FRMPD2: variants seen among roughly 807,000 people sequenced by gnomAD.
FRMPD2 encodes the protein FERM and PDZ domain containing 2.
Under a neutral mutation model 140.1 loss-of-function variants are expected in FRMPD2, and 96 were observed. The ratio of observed to expected loss-of-function variants is 0.69; its 90% CI spans 0.58 to 0.81. The LOEUF (loss-of-function observed/expected upper bound fraction) is 0.81, where lower values mean the gene tolerates loss of function less well. Among genes scored for constraint, FRMPD2 ranks in the 40% least tolerant of loss-of-function variants. The probability of loss-of-function intolerance (pLI) is 0.00; values close to 1 mark genes in which losing one functional copy is unlikely to be tolerated. For synonymous variants in FRMPD2, 449 were observed against 547.6 expected, an observed-to-expected ratio of 0.82 and a Z score of 2.52; for missense variants, 1,240 against 1,447.4, an observed-to-expected ratio of 0.86 and a Z score of 2.32.
At chr10:48,187,415 G>A (rs571373836) in intron 16 of FRMPD2, 123 bp from the exon 17 acceptor site, 4 of 727,286 alleles carry the variant, frequency 5.5e-6, no homozygotes, top group East Asian at 5.5e-5. Context: ...GCCCGGGGAG[G>A]GCAGCCTTGT....
intron 1 of FRMPD2, among the ~76,000 whole-genome samples, chr10:48,271,414 C>A (rs1421801732): frequency 6.6e-6 from 1 of 152,206 alleles, no homozygotes; most frequent in Non-Finnish European, 1.5e-5. Flanking sequence ...TACTCTCCAG[C>A]CAGACACTGT....
At chr10:48,263,951 C>A (rs1044429285) in intron 1 of FRMPD2, among the ~76,000 whole-genome samples, 8 of 151,960 alleles carry the variant, frequency 5.3e-5, no homozygotes, top group African/African-American at 1.9e-4. Context: ...ACACCATGAC[C>A]AAGTGAAATT....
chr10:48,239,428 A>T (rs1409618146), intron 7 of FRMPD2, among the ~76,000 whole-genome samples, 177 bp downstream of exon 7: 1 of 152,216 alleles, frequency 6.6e-6, no homozygotes, highest in Non-Finnish European at 1.5e-5. Flanking sequence ...GCCCCTCATT[A>T]TCTTGGCTTC....
Position 48,184,901 on chromosome 10 carries a change from T to C in FRMPD2, c.2360-20A>G, listed in dbSNP as rs765509541. The C allele has an allele frequency of 2.0e-5, 31 of 1,562,896 alleles. No homozygotes were observed. The South Asian group carries it at 3.5e-4, about 18-fold the overall frequency. On this transcript the variant is annotated intron_variant, in intron 18 of 28. Transcript: ENST00000374201. ...CAAACCCTGTAATCCAAGATGATAGTCCATGATAAGATGATACTTAGTGAT... is the reference window on the plus strand; with the variant it reads ...CAAACCCTGTAATCCAAGATGATAGCCCATGATAAGATGATACTTAGTGAT...
intron 1 of FRMPD2, 111 bp from the exon 2 acceptor site, chr10:48,251,802 C>T (rs954160559): frequency 5.4e-6 from 7 of 1,292,252 alleles, no homozygotes; most frequent in East Asian, 2.4e-5. Flanking sequence ...TACTGCACAC[C>T]GGCACTGTGT....
chr10:48,240,588 G>T, intron 5 of FRMPD2, 96 bp from the exon 6 acceptor site: 1 of 1,525,986 alleles, frequency 6.6e-7, no homozygotes, highest in Non-Finnish European at 8.9e-7. Context: ...AATCAATGTG[G>T]AATTGTCTGC....
intron 3 of FRMPD2, among the ~76,000 whole-genome samples, chr10:48,246,625 G>A (rs180897580): frequency 6.6e-6 from 1 of 152,178 alleles, no homozygotes; most frequent in Non-Finnish European, 1.5e-5. Context: ...AAGTAGTTGG[G>A]GAAATATGTC....
At chr10:48,226,974 C>A (rs1839736402) in intron 10 of FRMPD2, among the ~76,000 whole-genome samples, 1 of 152,302 alleles carries the variant, frequency 6.6e-6, no homozygotes, top group Non-Finnish European at 1.5e-5. Context: ...AGAGGCTGGA[C>A]ACCCCACTCA....
At position 48,222,518 on chromosome 10, in the gene FRMPD2, G is replaced by A. The variant is rs1839626080; in HGVS notation, c.1317-67C>T. On this transcript the variant is annotated intron_variant, in intron 11 of 28. Transcript: ENST00000374201. ...GAAAGGGAGAATGTTAGCACCAGTGGGTTTTCTCAGTGTGGGAAGTTGGAA... is the reference window on the plus strand; with the variant it reads ...GAAAGGGAGAATGTTAGCACCAGTGAGTTTTCTCAGTGTGGGAAGTTGGAA... 1.0e-5 allele frequency: 16 copies of A among 1,551,284 alleles called. No homozygotes were observed. In the South Asian group the frequency reaches 1.7e-4, roughly 16 times the overall value.
At chr10:48,215,576 A>G (rs1188200350) in intron 12 of FRMPD2, among the ~76,000 whole-genome samples, 1 of 152,226 alleles carries the variant, frequency 6.6e-6, no homozygotes, top group Non-Finnish European at 1.5e-5. Flanking sequence ...GGTTGTATAA[A>G]TGAATGGGTT....
intron 15 of FRMPD2, among the ~76,000 whole-genome samples, chr10:48,197,461 C>T (rs117925809): frequency 6.6e-6 from 1 of 152,338 alleles, no homozygotes; most frequent in Non-Finnish European, 1.5e-5. Flanking sequence ...GAAAGTGGCA[C>T]TCCCCTGAGT....
At chr10:48,270,032 C>T (rs897237189) in intron 1 of FRMPD2, among the ~76,000 whole-genome samples, 4 of 152,054 alleles carry the variant, frequency 2.6e-5, no homozygotes, top group Admixed American at 2.0e-4. Context: ...AAGGTCAAAC[C>T]GAAAGTGACT....
chr10:48,173,502 C>T (rs1838321418), intron 24 of FRMPD2, among the ~76,000 whole-genome samples: 1 of 150,910 alleles, frequency 6.6e-6, no homozygotes, highest in Non-Finnish European at 1.5e-5. Flanking sequence ...CTCCTCAGTG[C>T]CCCCTCCCCT....
intron 9 of FRMPD2, among the ~76,000 whole-genome samples, 188 bp from the exon 10 acceptor site, chr10:48,232,477 C>T (rs891332237): frequency 6.6e-6 from 1 of 152,280 alleles, no homozygotes; most frequent in South Asian, 2.1e-4. Flanking sequence ...AGAGTCTTGC[C>T]TAGGGTTTGC....
intron 14 of FRMPD2, among the ~76,000 whole-genome samples, chr10:48,203,997 A>T (rs1839147721): frequency 2.0e-5 from 3 of 152,100 alleles, no homozygotes; most frequent in African/African-American, 7.2e-5. Context: ...GCTTTTCTAG[A>T]ATAGTTACTT....
chr10:48,184,773 C>T lies in FRMPD2; in HGVS notation c.2467+1G>A, dbSNP rs774690249. Reference sequence around the variant, plus strand: ...ATCTCTAGTAATTTAAAAAGATGTACCTGGTTTGATCGTTTTTGCTTTTTC... The same window carrying T: ...ATCTCTAGTAATTTAAAAAGATGTATCTGGTTTGATCGTTTTTGCTTTTTC... On this transcript the variant is annotated splice_donor_variant, in intron 19 of 28. Transcript: ENST00000374201. LOFTEE classifies it high-confidence loss of function. 5 of 1,610,114 alleles carry T rather than the reference C, an allele frequency of 3.1e-6. No individual in the cohort carries two copies. In the South Asian group the frequency reaches 5.5e-5, roughly 18 times the overall value.
At chr10:48,235,939 C>T (rs906549040) in intron 9 of FRMPD2, among the ~76,000 whole-genome samples, 6 of 152,190 alleles carry the variant, frequency 3.9e-5, no homozygotes, top group Non-Finnish European at 8.8e-5. Context: ...TCCTTGTCTT[C>T]ACCCAGTCTT....
chr10:48,207,722 C>G (rs766976262), intron 13 of FRMPD2, among the ~76,000 whole-genome samples: 5 of 152,206 alleles, frequency 3.3e-5, no homozygotes, highest in Non-Finnish European at 5.9e-5. Context: ...CTGGGACCCA[C>G]AGCAAGGACC....
At chr10:48,182,433 C>A (rs142975665) in intron 20 of FRMPD2, among the ~76,000 whole-genome samples, 74 of 152,324 alleles carry the variant, frequency 4.9e-4, no homozygotes, top group Non-Finnish European at 8.2e-4. Flanking sequence ...TAGACCATGA[C>A]AGATGCTCAT....
Sources: allele counts gnomAD v4.1 joint callset (sites outside exome capture counted in the v4.1 genomes callset), GRCh38; gene constraint gnomAD v4.1.1; transcripts MANE v1.5; gene names NCBI Gene and HGNC (gene_info 2026-07-23, HGNC 2026-07-21).